ITGA6: variants seen among roughly 807,000 people sequenced by gnomAD.
The protein encoded by ITGA6 is integrin alpha-6.
A neutral mutation model predicts 133.6 loss-of-function variants in ITGA6; 63 were observed. That is an observed-to-expected ratio of 0.47 (90% confidence interval 0.38 to 0.58). ITGA6 has a LOEUF of 0.58. ITGA6 is among the 20% of genes least tolerant of loss of function. The pLI, the probability that ITGA6 is intolerant of heterozygous loss-of-function variation, is 0.00. For missense variants in ITGA6, 1,068 were observed against 1,309.4 expected (o/e 0.82, Z 2.85); for synonymous variants, 434 against 482.0 (o/e 0.90, Z 1.30).
At position 172,491,207 on chromosome 2, in the gene ITGA6, C is replaced by T; in HGVS notation, c.2779-14C>T. ...ACAATGTCTTTTGATGACCATTCTT[C>T]TTTTTCTCTCTAGAACTGTAGCGTG... On this transcript the variant is annotated splice_polypyrimidine_tract_variant and intron_variant, in intron 21 of 25. Coordinates refer to ENST00000684293, the MANE Select transcript of ITGA6 (RefSeq NM_000210.4). The surrounding 1 kb of genome is among the most constrained non-coding windows in gnomAD (Gnocchi z 4.4). The T allele has an allele frequency of 3.2e-6, 5 of 1,567,564 alleles. No individual in the cohort carries two copies. The highest frequency in any genetic ancestry group is 4.4e-6 in the Non-Finnish European group (5 of 1,137,760).
chr2:172,441,559 T>TAAAAAA (rs57828626), intron 1 of ITGA6, among the ~76,000 whole-genome samples: 8 of 48,852 alleles, frequency 1.6e-4, no homozygotes, highest in African/African-American at 4.1e-4. Flanking sequence ...GCTGTCTCTT[T>TAAAAAA]AAAAAAAAAA....
intron 15 of ITGA6, 34 bp from the exon 16 acceptor site, chr2:172,487,513 G>C (rs757893438): frequency 1.9e-6 from 3 of 1,611,840 alleles, no homozygotes; most frequent in Non-Finnish European, 2.5e-6. Context: ...TGGCAAATGA[G>C]TGGATTGTGA....
chr2:172,505,138 A>C lies in ITGA6; in HGVS notation c.*1070A>C, dbSNP rs1201840508. ...TGACAGCCTCCACCCCACAACCCAA[A>C]AGGTTTAAGAAATAGAATTATAACT... On this transcript the variant is annotated 3_prime_UTR_variant, in exon 26 of 26. Transcript: ENST00000684293. 1 of 152,630 alleles carries C rather than the reference A, an allele frequency of 6.6e-6. No homozygotes were observed. Among genetic ancestry groups the C allele is most frequent in the Non-Finnish European group, 1.5e-5 (1 of 68,034 alleles). The allele number at this position is 152,630 out of a possible 1,614,324, so 9.5% of individuals were successfully genotyped here. A position where few individuals can be genotyped will look rare whatever the true frequency, so the allele number is the denominator to read the frequency against.
At chr2:172,479,592 A>T (rs1196187630) in intron 9 of ITGA6, 49 bp from the exon 10 acceptor site, 1 of 1,474,172 alleles carries the variant, frequency 6.8e-7, no homozygotes, top group Non-Finnish European at 9.5e-7. Flanking sequence ...TTAGACTCAC[A>T]TTCAAGGTAA....
At chr2:172,430,806 G>A (rs536555983) in intron 1 of ITGA6, among the ~76,000 whole-genome samples, 1 of 152,258 alleles carries the variant, frequency 6.6e-6, no homozygotes, top group Admixed American at 6.5e-5. Flanking sequence ...AAGTTGGTCC[G>A]CCGAGTGACT....
At chr2:172,446,604 T>G (rs1197038095) in intron 1 of ITGA6, among the ~76,000 whole-genome samples, 1 of 152,218 alleles carries the variant, frequency 6.6e-6, no homozygotes, top group African/African-American at 2.4e-5. Context: ...AGACTTGGTT[T>G]CTTGAAAGGA....
intron 1 of ITGA6, among the ~76,000 whole-genome samples, chr2:172,463,225 C>T (rs1284318978): frequency 1.3e-5 from 2 of 152,132 alleles, no homozygotes; most frequent in East Asian, 3.9e-4. Context: ...AGGAAATAAG[C>T]CCTGTGCCTG....
intron 3 of ITGA6, among the ~76,000 whole-genome samples, chr2:172,468,378 C>T (rs1025527069): frequency 1.3e-5 from 2 of 151,884 alleles, no homozygotes; most frequent in Non-Finnish European, 2.9e-5. Flanking sequence ...GTTGCTGTAA[C>T]GAAATTTATA....
intron 13 of ITGA6, among the ~76,000 whole-genome samples, chr2:172,485,565 A>G (rs1686631135): frequency 6.6e-6 from 1 of 152,258 alleles, no homozygotes; most frequent in Non-Finnish European, 1.5e-5. Context: ...TTAGCTGTAC[A>G]TAGAAAGAAA....
intron 6 of ITGA6, 126 bp downstream of exon 6, chr2:172,474,391 A>AC (rs1233691118): frequency 1.2e-6 from 1 of 804,464 alleles, no homozygotes; most frequent in Non-Finnish European, 2.1e-6. Context: ...CCGCATTTTT[A>AC]CCAGCCTATC....
At position 172,491,101 on chromosome 2, in the gene ITGA6, T is replaced by C. The variant is rs1456155422; in HGVS notation, c.2757T>C (p.Ala919=). Residue 919 remains alanine, a synonymous_variant, in exon 21 of 26, where the codon GCT becomes GCC. Transcript: ENST00000684293. This position sits in a 1 kb window ranked among gnomAD's most constrained non-coding sequence, Gnocchi z 4.4. Reference sequence around the variant, plus strand: ...ATAACAGAAAATTTTCTTTATTTGCTGAAAGAAAATACCAGACTCTTGTAA... The same window carrying C: ...ATAACAGAAAATTTTCTTTATTTGCCGAAAGAAAATACCAGACTCTTGTAA... ...IDDNRKFSLF[A]ERKYQTLNCS... The C allele has an allele frequency of 1.3e-6, 2 of 1,546,618 alleles. No individual in the cohort carries two copies. The highest frequency in any genetic ancestry group is 1.7e-5 in the Admixed American group (1 of 59,934).
chr2:172,487,375 C>A lies in ITGA6; in HGVS notation c.2082C>A (p.Asp694Glu). The A allele has an allele frequency of 4.3e-6, 7 of 1,613,836 alleles. No individual in the cohort carries two copies. The highest frequency in any genetic ancestry group is 5.9e-6 in the Non-Finnish European group (7 of 1,179,850). ...NPRNPTKDGD[D>E]AHEAKLIATF... ...GGAATCCCACAAAAGATGGCGATGA[C>A]GCCCATGAGGCTAAACTGATTGCAA... The change falls in exon 15 of 26, where the codon GAC becomes GAA. Residue 694 changes from aspartate to glutamate, a missense_variant. Around this residue, in one of 3 missense-constraint regions of ITGA6, gnomAD observed 609 missense variants for 707.2 expected, o/e 0.86. Transcript: ENST00000684293.
chr2:172,491,006 G>C lies in ITGA6; in HGVS notation c.2680-18G>C, dbSNP rs759084521. The C allele has an allele frequency of 6.7e-6, 8 of 1,199,128 alleles. No individual in the cohort carries two copies. The East Asian group carries it at 1.9e-4, about 28-fold the overall frequency. 74.3% of individuals were successfully genotyped at this position (1,199,128 alleles called of 1,614,324 possible). On this transcript the variant is annotated intron_variant, in intron 20 of 25. Transcript: ENST00000684293. This position sits in a 1 kb window ranked among gnomAD's most constrained non-coding sequence, Gnocchi z 4.4. ...GAATTACATAAATTGGAACTATTTTGGATATAATTTTTTTCAGGAGTCTCA... is the reference window on the plus strand; with the variant it reads ...GAATTACATAAATTGGAACTATTTTCGATATAATTTTTTTCAGGAGTCTCA...
intron 1 of ITGA6, among the ~76,000 whole-genome samples, chr2:172,443,893 G>C (rs1416643621): frequency 1.3e-5 from 2 of 152,162 alleles, no homozygotes; most frequent in East Asian, 3.9e-4. Flanking sequence ...TCCCGCCTCG[G>C]CCTCCCGAGT....
intron 20 of ITGA6, chr2:172,490,693 G>A (rs1246309464): frequency 9.2e-6 from 3 of 326,876 alleles, no homozygotes; most frequent in Non-Finnish European, 1.8e-5. Context: ...TGGAGGCTAG[G>A]GATACAGGAA....
At chr2:172,501,510 T>C (rs1211486728) in intron 24 of ITGA6, among the ~76,000 whole-genome samples, 1 of 152,218 alleles carries the variant, frequency 6.6e-6, no homozygotes, top group Admixed American at 6.5e-5. Flanking sequence ...ATGATTTTTG[T>C]CCACAAGATT....
At chr2:172,474,489 T>C (rs755722839) in intron 6 of ITGA6, among the ~76,000 whole-genome samples, 36 of 150,532 alleles carry the variant, frequency 2.4e-4, no homozygotes, top group Non-Finnish European at 4.3e-4. Flanking sequence ...TTTTTACTTA[T>C]ATGTTGGGAT....
In ITGA6 at chr2:172,498,967, A is replaced by T. The variant is rs548063130; in HGVS notation, c.3114+867A>T. Among the ~76,000 whole-genome samples the T allele has an allele frequency of 2.0e-5, 3 of 152,334 alleles. No homozygotes were observed. In the South Asian group the frequency reaches 6.2e-4, roughly 32 times the overall value. On this transcript the variant is annotated intron_variant, in intron 24 of 25. Transcript: ENST00000684293. ...GAAATACTAACATTTTGATTATAGT[A>T]GCATTAGGTATGCAGTGCATTACTC...
chr2:172,460,089 G>A (rs16860450), intron 1 of ITGA6, among the ~76,000 whole-genome samples: 33,826 of 152,154 alleles, frequency 0.22, 4,005 homozygotes, highest in East Asian at 0.29. Flanking sequence ...TGACCTTAAT[G>A]CTAGGAACAG....
Sources: gnomAD v4.1 joint callset for allele counts (sites outside exome capture counted in the v4.1 genomes callset) on GRCh38, gnomAD v4.1.1 for gene constraint, gnomAD v4.1.1 regional missense constraint, Gnocchi (gnomAD v3.1) non-coding constraint, MANE v1.5 for transcripts, NCBI Gene and HGNC (gene_info 2026-07-23, HGNC 2026-07-21) for gene names.